SGCD: variants seen among roughly 807,000 people sequenced by gnomAD.
SGCD encodes sarcoglycan delta.
A neutral mutation model predicts 36.6 loss-of-function variants in SGCD; 18 were observed. The ratio of observed to expected loss-of-function variants is 0.49; its 90% CI spans 0.34 to 0.73. The LOEUF (loss-of-function observed/expected upper bound fraction) is 0.73, where lower values mean the gene tolerates loss of function less well. Among genes scored for constraint, SGCD ranks in the 30% least tolerant of loss-of-function variants. SGCD has a pLI of 0.01. For synonymous variants in SGCD, 133 were observed against 130.6 expected, an observed-to-expected ratio of 1.02 and a Z score of -0.12; for missense variants, 387 against 346.7, an observed-to-expected ratio of 1.12 and a Z score of -0.92.
At chr5:156,638,743 C>G (rs1468735418) in intron 6 of SGCD, among the ~76,000 whole-genome samples, 1 of 152,106 alleles carries the variant, frequency 6.6e-6, no homozygotes, top group East Asian at 1.9e-4. Context: ...ATACACTGAG[C>G]ATGAGTTCCG....
intron 7 of SGCD, among the ~76,000 whole-genome samples, chr5:156,722,967 G>T (rs892898992): frequency 6.6e-6 from 1 of 152,122 alleles, no homozygotes; most frequent in African/African-American, 2.4e-5. Context: ...TCTTCATTTA[G>T]GGTAAAAGCT....
At chr5:156,539,736 T>G (rs1758275217) in intron 4 of SGCD, among the ~76,000 whole-genome samples, 1 of 152,120 alleles carries the variant, frequency 6.6e-6, no homozygotes, top group South Asian at 2.1e-4. Context: ...TGCGTCTATC[T>G]TTTTCATATA....
chr5:156,641,254 G>C (rs772565247), intron 6 of SGCD, among the ~76,000 whole-genome samples: 4 of 152,134 alleles, frequency 2.6e-5, no homozygotes, highest in Non-Finnish European at 4.4e-5. Context: ...CTGGTTTGTA[G>C]GAAAATGGGT....
At chr5:156,149,397 CTGA>C (rs1279205735) in intron 3 of SGCD, among the ~76,000 whole-genome samples, 6 of 152,190 alleles carry the variant, frequency 3.9e-5, no homozygotes, top group African/African-American at 1.4e-4. Context: ...GTATTATACT[CTGA>C]TAAGCAGACT....
chr5:156,507,087 T>C (rs1318491455), intron 3 of SGCD, among the ~76,000 whole-genome samples: 1 of 152,182 alleles, frequency 6.6e-6, no homozygotes, highest in East Asian at 1.9e-4. Context: ...TCAAAGATGT[T>C]CATGTATAAT....
exon 1 of SGCD, chr5:155,870,384 G>GT (rs1755607271): frequency 6.6e-6 from 1 of 152,210 alleles, no homozygotes; most frequent in Non-Finnish European, 1.5e-5. Context: ...GTATCAGTGA[G>GT]TGGTCCCCCA....
At chr5:156,310,481 G>T (rs1767363435) in intron 3 of SGCD, among the ~76,000 whole-genome samples, 1 of 152,218 alleles carries the variant, frequency 6.6e-6, no homozygotes, top group Non-Finnish European at 1.5e-5. Context: ...GTGCTGAGTA[G>T]TCAGGGGATG....
chr5:156,203,325 G>A (rs1293562087), intron 3 of SGCD, among the ~76,000 whole-genome samples: 1 of 152,036 alleles, frequency 6.6e-6, no homozygotes, highest in African/African-American at 2.4e-5. Context: ...TAAGAATGAA[G>A]ACCACAACAT....
intron 1 of SGCD, among the ~76,000 whole-genome samples, chr5:155,901,182 G>A (rs566461361): frequency 3.0e-4 from 45 of 151,846 alleles, no homozygotes; most frequent in Middle Eastern, 3.4e-3. Context: ...GGTGGTGGTG[G>A]GTGCCTGTAA....
chr5:156,338,618 G>A (rs890353327), intron 2 of SGCD, among the ~76,000 whole-genome samples: 4 of 152,086 alleles, frequency 2.6e-5, no homozygotes, highest in African/African-American at 9.7e-5. Context: ...AGCTCACGTA[G>A]CTTCCTTAAT....
intron 1 of SGCD, among the ~76,000 whole-genome samples, chr5:155,882,756 A>G (rs537524627): frequency 7.4e-4 from 112 of 152,276 alleles, no homozygotes; most frequent in African/African-American, 2.0e-3. Flanking sequence ...TCATTTCTAG[A>G]TGAAGGGCAG....
chr5:156,277,188 G>A (rs1164653844), intron 3 of SGCD, among the ~76,000 whole-genome samples: 1 of 152,148 alleles, frequency 6.6e-6, no homozygotes, highest in African/African-American at 2.4e-5. Context: ...GGTGTGCCAG[G>A]CAAGCCTTAC....
chr5:155,856,857 A>T, the SGCD span, among the ~76,000 whole-genome samples: 1 of 152,210 alleles, frequency 6.6e-6, no homozygotes, highest in Non-Finnish European at 1.5e-5. Context: ...AATTATCGGA[A>T]AGGATGTGGA....
intron 3 of SGCD, among the ~76,000 whole-genome samples, chr5:156,219,724 A>C (rs112575080): frequency 1.3e-5 from 2 of 152,220 alleles, no homozygotes; most frequent in Non-Finnish European, 2.9e-5. Flanking sequence ...CATTTCTGCT[A>C]TCTAGACCTC....
chr5:156,165,388 CT>C (rs1561546347), intron 3 of SGCD, among the ~76,000 whole-genome samples: 2 of 152,266 alleles, frequency 1.3e-5, no homozygotes, highest in African/African-American at 4.8e-5. Flanking sequence ...GAGATGGAAT[CT>C]TTTTCAGAGC....
At chr5:156,362,560 C>G (rs958974375) in intron 3 of SGCD, among the ~76,000 whole-genome samples, 4 of 152,122 alleles carry the variant, frequency 2.6e-5, no homozygotes, top group African/African-American at 9.7e-5. Context: ...GCAGAAGAAT[C>G]ACTTGAACCC....
intron 3 of SGCD, among the ~76,000 whole-genome samples, chr5:156,142,265 G>A (rs71591051): frequency 1.3e-5 from 2 of 152,234 alleles, no homozygotes; most frequent in South Asian, 2.1e-4. Context: ...CTTCCTGTAC[G>A]GTCTGCAGAA....
the SGCD span, among the ~76,000 whole-genome samples, chr5:155,788,515 T>A: frequency 1.3e-5 from 2 of 152,168 alleles, no homozygotes; most frequent in Non-Finnish European, 2.9e-5. Context: ...TAGGTAGAAT[T>A]CTTATAATTT....
intron 1 of SGCD, among the ~76,000 whole-genome samples, chr5:156,328,343 T>G (rs1487203480): frequency 4.6e-5 from 7 of 152,228 alleles, no homozygotes; most frequent in African/African-American, 1.7e-4. Context: ...ATTGGTTTTT[T>G]CCGAACGGGG....
Sources: allele counts gnomAD v4.1 joint callset (sites outside exome capture counted in the v4.1 genomes callset), GRCh38; gene constraint gnomAD v4.1.1; transcripts MANE v1.5; gene names NCBI Gene and HGNC (gene_info 2026-07-23, HGNC 2026-07-21).